SPOCK1: variants seen among roughly 807,000 people sequenced by gnomAD.
SPOCK1 encodes the protein testican-1.
Under a neutral mutation model 55.3 loss-of-function variants are expected in SPOCK1, and 23 were observed. The ratio of observed to expected loss-of-function variants is 0.42; its 90% CI spans 0.30 to 0.59. The LOEUF is 0.59. Ranked by LOEUF, SPOCK1 falls within the 20% of genes least tolerant of loss-of-function variation. The pLI, the probability that SPOCK1 is intolerant of heterozygous loss-of-function variation, is 0.22. For synonymous variants in SPOCK1, 226 were observed against 221.0 expected, an observed-to-expected ratio of 1.02 and a Z score of -0.20; for missense variants, 499 against 552.5, an observed-to-expected ratio of 0.90 and a Z score of 0.97.
At chr5:137,069,483 T>C (rs1440380660) in intron 5 of SPOCK1, among the ~76,000 whole-genome samples, 1 of 152,152 alleles carries the variant, frequency 6.6e-6, no homozygotes, top group Non-Finnish European at 1.5e-5. Context: ...TGTAAAGCCA[T>C]GTGGATGTGA....
chr5:137,121,886 T>TATTATA (rs1753691924), intron 4 of SPOCK1, among the ~76,000 whole-genome samples: 1 of 146,614 alleles, frequency 6.8e-6, no homozygotes, highest in African/African-American at 2.5e-5. Context: ...TTATATATAA[T>TATTATA]TATTAGTATA....
chr5:137,313,598 C>A (rs1757824109), intron 2 of SPOCK1: 2 of 455,516 alleles, frequency 4.4e-6, no homozygotes, highest in African/African-American at 4.2e-5. Context: ...CTTCTAAGCT[C>A]CCAGAACATA....
intron 2 of SPOCK1, among the ~76,000 whole-genome samples, chr5:137,356,842 G>T (rs866737476): frequency 3.6e-3 from 171 of 47,754 alleles, no homozygotes; most frequent in East Asian, 7.5e-3. Context: ...TATATATAGA[G>T]AGAGAGAGAG....
intron 3 of SPOCK1, among the ~76,000 whole-genome samples, chr5:137,225,507 T>C (rs910682780): frequency 6.6e-6 from 1 of 152,114 alleles, no homozygotes; most frequent in African/African-American, 2.4e-5. Flanking sequence ...CTACAACTAT[T>C]TCCCTGCACA....
intron 2 of SPOCK1, among the ~76,000 whole-genome samples, chr5:137,308,284 C>T (rs1254863895): frequency 1.3e-5 from 2 of 152,238 alleles, no homozygotes; most frequent in East Asian, 3.8e-4. Context: ...CAGTCATCTG[C>T]CTATTTGATC....
chr5:137,414,936 G>A (rs1214148911), intron 2 of SPOCK1, among the ~76,000 whole-genome samples: 1 of 127,708 alleles, frequency 7.8e-6, no homozygotes, highest in Non-Finnish European at 1.5e-5. Context: ...GCTGATCAAA[G>A]CTTTTTCCAT....
intron 2 of SPOCK1, among the ~76,000 whole-genome samples, chr5:137,408,262 C>T (rs1752141049): frequency 6.6e-6 from 1 of 152,198 alleles, no homozygotes; most frequent in South Asian, 2.1e-4. Context: ...ACAGAAGAGG[C>T]TAGGTGTCCC....
At chr5:137,267,107 C>A (rs370137859) in intron 2 of SPOCK1, 52 bp from the exon 3 acceptor site, 3 of 1,457,920 alleles carry the variant, frequency 2.1e-6, no homozygotes, top group Non-Finnish European at 2.9e-6. Flanking sequence ...AAGCTTCTCA[C>A]ATAACTGCAT....
intron 3 of SPOCK1, among the ~76,000 whole-genome samples, chr5:137,248,384 A>C (rs975007720): frequency 6.6e-6 from 1 of 152,204 alleles, no homozygotes; most frequent in African/African-American, 2.4e-5. Context: ...TGGGTCATAT[A>C]GGTGTAAGTG....
At chr5:137,288,290 TCTC>T (rs1757304048) in intron 2 of SPOCK1, among the ~76,000 whole-genome samples, 1 of 152,168 alleles carries the variant, frequency 6.6e-6, no homozygotes, top group Non-Finnish European at 1.5e-5. Flanking sequence ...GCATACCTAT[TCTC>T]CTTTCCAACC....
At chr5:137,202,273 T>C (rs1319284960) in intron 3 of SPOCK1, among the ~76,000 whole-genome samples, 2 of 152,162 alleles carry the variant, frequency 1.3e-5, no homozygotes, top group Non-Finnish European at 1.5e-5. Flanking sequence ...AAAGAAGTCA[T>C]GGGGGAAGGT....
At chr5:136,983,508 A>AAGAAGGAAAATGTAG (rs1255167559) in intron 9 of SPOCK1, among the ~76,000 whole-genome samples, 2 of 152,136 alleles carry the variant, frequency 1.3e-5, no homozygotes, top group Non-Finnish European at 2.9e-5. Context: ...GTAGATAGAA[A>AAGAAGGAAAATGTAG]AGAAGGAAAA....
chr5:137,060,408 T>G (rs1333059465), intron 6 of SPOCK1, among the ~76,000 whole-genome samples: 7 of 152,020 alleles, frequency 4.6e-5, no homozygotes, highest in Non-Finnish European at 8.8e-5. Context: ...TGAGTATACA[T>G]GGACACAAAG....
chr5:137,017,826 C>G (rs958985506), intron 6 of SPOCK1, among the ~76,000 whole-genome samples: 6 of 152,062 alleles, frequency 3.9e-5, no homozygotes, highest in African/African-American at 1.2e-4. Flanking sequence ...ATTCTAAAAT[C>G]GAGTATAAAA....
rs149776591 is a variant in SPOCK1, at chr5:136,988,981, G to A, written c.707-338C>T. ...ATAATAGAAACATGGTGAGTGAGAGGTATAGCTTATGGTACCAAAAACTAT... is the reference window on the plus strand; with the variant it reads ...ATAATAGAAACATGGTGAGTGAGAGATATAGCTTATGGTACCAAAAACTAT... On this transcript the variant is annotated intron_variant, in intron 7 of 10. Coordinates refer to ENST00000394945, the MANE Select transcript of SPOCK1 (RefSeq NM_004598.4). 751 of 200,066 alleles carry A rather than the reference G, an allele frequency of 3.8e-3. 5 individuals carry two copies. Among genetic ancestry groups the A allele is most frequent in the African/African-American group, 0.017 (719 of 43,432 alleles). The allele number at this position is 200,066 out of a possible 1,614,324, so 12.4% of individuals were successfully genotyped here. A position where few individuals can be genotyped will look rare whatever the true frequency, so the allele number is the denominator to read the frequency against.
At chr5:137,495,007 G>A (rs560833719) in intron 2 of SPOCK1, among the ~76,000 whole-genome samples, 15 of 152,212 alleles carry the variant, frequency 9.9e-5, no homozygotes, top group South Asian at 6.2e-4. Flanking sequence ...CTTCTTCATC[G>A]CCTCCTTAAC....
At chr5:137,416,133 CGCAA>C (rs1415581274) in intron 2 of SPOCK1, among the ~76,000 whole-genome samples, 1 of 151,670 alleles carries the variant, frequency 6.6e-6, no homozygotes, top group Non-Finnish European at 1.5e-5. Context: ...CTGAAAACAA[CGCAA>C]GCAAGACAGA....
intron 3 of SPOCK1, among the ~76,000 whole-genome samples, chr5:137,246,192 C>T (rs190128600): frequency 3.9e-5 from 6 of 152,322 alleles, no homozygotes; most frequent in Admixed American, 3.3e-4. Context: ...TATTTGAATT[C>T]TCACTATCCA....
intron 7 of SPOCK1, among the ~76,000 whole-genome samples, chr5:136,990,375 G>A (rs533982629): frequency 6.6e-6 from 1 of 151,072 alleles, no homozygotes; most frequent in Admixed American, 6.6e-5. Context: ...GGAAAAGACT[G>A]TCTTGTCCCC....
Sources: gnomAD v4.1 joint callset for allele counts (sites outside exome capture counted in the v4.1 genomes callset) on GRCh38, gnomAD v4.1.1 for gene constraint, MANE v1.5 for transcripts, NCBI Gene and HGNC (gene_info 2026-07-23, HGNC 2026-07-21) for gene names.